ARFGEF2: variants seen among roughly 807,000 people sequenced by gnomAD.
The protein encoded by ARFGEF2 is brefeldin A-inhibited guanine nucleotide-exchange protein 2.
ARFGEF2 carries 74 observed loss-of-function variants against 219.9 expected under a neutral mutation model. The observed-to-expected ratio is 0.34, with a 90% confidence interval of 0.28 to 0.41. The LOEUF is 0.41. Ranked by LOEUF, ARFGEF2 falls within the 10% of genes least tolerant of loss-of-function variation. The pLI is 1.00. For missense variants in ARFGEF2, 1,743 were observed against 2,218.3 expected (o/e 0.79, Z 4.30); for synonymous variants, 733 against 799.2 (o/e 0.92, Z 1.40).
chr20:48,952,148 C>CTTTTTT (rs11475141), intron 4 of ARFGEF2, among the ~76,000 whole-genome samples: 6 of 55,442 alleles, frequency 1.1e-4, no homozygotes, highest in Admixed American at 3.0e-4. Flanking sequence ...GAAGTTTGGC[C>CTTTTTT]TTTTTTTTTT....
At chr20:48,928,719 C>A (rs994070472) in intron 1 of ARFGEF2, among the ~76,000 whole-genome samples, 4 of 151,932 alleles carry the variant, frequency 2.6e-5, no homozygotes, top group East Asian at 1.9e-4. Context: ...TGGTTTCGAT[C>A]TCCTGACCTC....
chr20:48,981,960 G>C (rs6012575), intron 14 of ARFGEF2, among the ~76,000 whole-genome samples: 92,154 of 152,002 alleles, frequency 0.61, 28,032 homozygotes, highest in East Asian at 0.66. Context: ...TTTGTTATTA[G>C]TGACTTTCTG....
rs4810905 is a variant in ARFGEF2, at chr20:48,988,288, G to A, written c.2277-16G>A. On this transcript the variant is annotated splice_polypyrimidine_tract_variant and intron_variant, in intron 16 of 38. Coordinates refer to ENST00000371917, the MANE Select transcript of ARFGEF2 (RefSeq NM_006420.3). The stretch of plus-strand genomic sequence containing the variant: ...GCATCACCATGAATATTGATGTCTC[G>A]AATTTTTTTCTCCAGGCAAACTCTG... 442,955 of 1,606,098 alleles carry A rather than the reference G, an allele frequency of 0.28. 64,413 individuals are homozygous for A. The highest frequency in any genetic ancestry group is 0.45 in the East Asian group (20,270 of 44,772).
intron 1 of ARFGEF2, among the ~76,000 whole-genome samples, chr20:48,936,251 C>T (rs2090955275): frequency 7.0e-6 from 1 of 143,664 alleles, no homozygotes; most frequent in Admixed American, 6.9e-5. Context: ...GGGCGGGGGG[C>T]TGACCCCCCC....
chr20:49,031,709 G>A (rs1433444579), intron 37 of ARFGEF2, among the ~76,000 whole-genome samples: 1 of 152,046 alleles, frequency 6.6e-6, no homozygotes, highest in African/African-American at 2.4e-5. Flanking sequence ...GAGCCCAGGA[G>A]TTCAAGACCA....
In ARFGEF2 at chr20:49,005,410, A is replaced by G. The variant is rs371322449; in HGVS notation, c.3584+189A>G. Among the ~76,000 whole-genome samples the G allele has an allele frequency of 3.0e-4, 46 of 152,218 alleles. No individual in the cohort carries two copies. The East Asian group carries it at 8.7e-3, about 29-fold the overall frequency. The stretch of plus-strand genomic sequence containing the variant: ...CTAAAATCTATGTGTAGCCTTTCCT[A>G]GGAGGACAGATGTCACCCTGCAACT... On this transcript the variant is annotated intron_variant, in intron 26 of 38. Transcript: ENST00000371917.
chr20:48,998,168 AT>A (rs1425810194), intron 23 of ARFGEF2, 24 bp from the exon 24 acceptor site: 1 of 1,612,544 alleles, frequency 6.2e-7, no homozygotes, highest in African/African-American at 1.3e-5. Context: ...TCTAATGTTT[AT>A]TTTGTCTGGA....
chr20:48,995,804 T>C lies in ARFGEF2; in HGVS notation c.3143T>C (p.Val1048Ala). 2 of 1,613,950 alleles carry C rather than the reference T, an allele frequency of 1.2e-6. No individual in the cohort carries two copies. The highest frequency in any genetic ancestry group is 1.7e-6 in the Non-Finnish European group (2 of 1,179,988). Residue 1048 changes from valine to alanine, a missense_variant, in exon 23 of 39, where the codon GTG becomes GCG. This residue lies in a region of ARFGEF2 where 666 missense variants were observed against 955.4 expected (regional missense o/e 0.70). Coordinates refer to ENST00000371917, the MANE Select transcript of ARFGEF2 (RefSeq NM_006420.3). ...TCAGGTAATTTGGTGAGTGGCGGAG[T>C]GGATAAAAGACAGATGGCCAGCTTC... ...LGLGNLVSGGVDKRQMASFQE... is the reference protein window; with the variant it reads ...LGLGNLVSGGADKRQMASFQE...
chr20:48,965,725 G>T, intron 7 of ARFGEF2, 147 bp from the exon 8 acceptor site: 1 of 943,726 alleles, frequency 1.1e-6, no homozygotes, highest in East Asian at 2.6e-5. Context: ...GCTTTTCCAG[G>T]ATTATGTCAG....
rs753126871 is a variant in ARFGEF2 at position 48,988,646 on chromosome 20, C to T, written c.2517C>T (p.Thr839=). ...AAACAAAAGAGCTAACGATTGCAAC[C>T]AAATCTACTAAGCAGAGTAAGGTCT... The part of the protein sequence containing the change: ...MKETKELTIA[T]KSTKQNVASE... The change falls in exon 18 of 39, where the codon ACC becomes ACT. Residue 839 remains threonine (T), a synonymous_variant. Transcript: ENST00000371917. 1 of 1,613,372 alleles carries T rather than the reference C, an allele frequency of 6.2e-7. No individual in the cohort carries two copies. The highest frequency in any genetic ancestry group is 8.5e-7 in the Non-Finnish European group (1 of 1,179,782).
At chr20:48,923,541 A>G (rs571710289) in intron 1 of ARFGEF2, among the ~76,000 whole-genome samples, 15 of 152,306 alleles carry the variant, frequency 9.8e-5, no homozygotes, top group Admixed American at 6.5e-4. Flanking sequence ...ATTTACTGAG[A>G]TGTAGATTTT....
chr20:48,940,635 C>T (rs2090987496), intron 1 of ARFGEF2, among the ~76,000 whole-genome samples: 1 of 152,216 alleles, frequency 6.6e-6, no homozygotes. Flanking sequence ...TTCTGGCTCC[C>T]TAGTTCTTGA....
intron 33 of ARFGEF2, 33 bp from the exon 34 acceptor site, chr20:49,018,851 T>G: frequency 3.2e-6 from 5 of 1,569,328 alleles, no homozygotes; most frequent in Non-Finnish European, 4.4e-6. Context: ...TGAAGAAAAG[T>G]GAGCATTGTG....
At chr20:48,996,381 G>A (rs867278190) in intron 23 of ARFGEF2, among the ~76,000 whole-genome samples, 2 of 151,820 alleles carry the variant, frequency 1.3e-5, no homozygotes, top group Middle Eastern at 3.4e-3. Flanking sequence ...CGTGAACCCA[G>A]GAGGCAGAGC....
intron 14 of ARFGEF2, 139 bp downstream of exon 14, chr20:48,976,338 A>G (rs2091261219): frequency 1.9e-6 from 2 of 1,031,804 alleles, no homozygotes; most frequent in East Asian, 2.6e-5. Flanking sequence ...TGATTGAGCC[A>G]GGCAATCAGT....
intron 3 of ARFGEF2, among the ~76,000 whole-genome samples, chr20:48,945,044 A>G (rs560285364): frequency 6.5e-4 from 99 of 152,256 alleles, no homozygotes; most frequent in African/African-American, 2.3e-3. Context: ...GGCTGCAGAC[A>G]GCTGTGTTCT....
intron 25 of ARFGEF2, chr20:48,999,312 G>A: frequency 2.3e-6 from 1 of 429,460 alleles, no homozygotes; most frequent in South Asian, 1.7e-5. Context: ...ACTGACAACT[G>A]TTGGGAATAA....
chr20:49,036,196 T>C lies in ARFGEF2; in HGVS notation c.*2997T>C. 1 of 398,344 alleles carries C rather than the reference T, an allele frequency of 2.5e-6. No homozygotes were observed. The allele number at this position is 398,344 out of a possible 1,614,324, so 24.7% of individuals were successfully genotyped here. A position where few individuals can be genotyped will look rare whatever the true frequency, so the allele number is the denominator to read the frequency against. Reference sequence around the variant, plus strand: ...CATTTTCTGAATTCTGTTTTAATATTTGTGTTAAAGTAGACATAGCTGAAC... The same window carrying C: ...CATTTTCTGAATTCTGTTTTAATATCTGTGTTAAAGTAGACATAGCTGAAC... On this transcript the variant is annotated 3_prime_UTR_variant, in exon 39 of 39. Coordinates refer to ENST00000371917, the MANE Select transcript of ARFGEF2 (RefSeq NM_006420.3).
chr20:49,008,097 C>G (rs1367847705), intron 26 of ARFGEF2, among the ~76,000 whole-genome samples: 1 of 152,154 alleles, frequency 6.6e-6, no homozygotes, highest in Non-Finnish European at 1.5e-5. Flanking sequence ...CCCTTTGACT[C>G]AGTAATTCCA....
Sources: gnomAD v4.1 joint callset for allele counts (sites outside exome capture counted in the v4.1 genomes callset) on GRCh38, gnomAD v4.1.1 for gene constraint, gnomAD v4.1.1 regional missense constraint, MANE v1.5 for transcripts, NCBI Gene and HGNC (gene_info 2026-07-23, HGNC 2026-07-21) for gene names.